CALCRL: variants seen among roughly 807,000 people sequenced by gnomAD.
CALCRL encodes calcitonin receptor like receptor, also known as calcitonin gene-related peptide type 1 receptor.
In CALCRL, 27 loss-of-function variants were observed where a neutral mutation model predicts 60.4. The ratio of observed to expected loss-of-function variants is 0.45; its 90% confidence interval spans 0.33 to 0.62. The LOEUF (loss-of-function observed/expected upper bound fraction) is 0.62, where lower values mean the gene tolerates loss of function less well. Ranked by LOEUF, CALCRL falls within the 20% of genes least tolerant of loss-of-function variation. CALCRL has a pLI of 0.03. For synonymous variants in CALCRL, 190 were observed against 182.6 expected, an observed-to-expected ratio of 1.04 and a Z score of -0.33; for missense variants, 424 against 540.7, an observed-to-expected ratio of 0.78 and a Z score of 2.14.
intron 9 of CALCRL, among the ~76,000 whole-genome samples, chr2:187,361,692 T>A (rs1194285431): frequency 6.6e-6 from 1 of 151,930 alleles, no homozygotes; most frequent in Non-Finnish European, 1.5e-5. Flanking sequence ...TTAACGGTAG[T>A]CCTATGAGGT....
In CALCRL at chr2:187,351,908, C is replaced by T; in HGVS notation, c.1170+12G>A. 1 of 1,511,764 alleles carries T rather than the reference C, an allele frequency of 6.6e-7. No individual in the cohort carries two copies. Among genetic ancestry groups the T allele is most frequent in the Non-Finnish European group, 9.1e-7 (1 of 1,095,082 alleles). 93.6% of individuals were successfully genotyped at this position (1,511,764 alleles called of 1,614,324 possible). Reference sequence around the variant, plus strand: ...TATAAAATAATAGAAGGAATAAAATCAATTATCATACCTCTCCATTAAAGA... The same window carrying T: ...TATAAAATAATAGAAGGAATAAAATTAATTATCATACCTCTCCATTAAAGA... On this transcript the variant is annotated intron_variant, in intron 14 of 14. Coordinates refer to ENST00000392370, the MANE Select transcript of CALCRL (RefSeq NM_005795.6).
At chr2:187,424,740 T>C (rs1347516222) in intron 1 of CALCRL, among the ~76,000 whole-genome samples, 1 of 151,922 alleles carries the variant, frequency 6.6e-6, no homozygotes, top group African/African-American at 2.4e-5. Flanking sequence ...TATAAATGAA[T>C]TGTGGTATGG....
intron 14 of CALCRL, among the ~76,000 whole-genome samples, chr2:187,349,512 G>T (rs698592): frequency 4.6e-5 from 7 of 151,322 alleles, no homozygotes; most frequent in Admixed American, 4.0e-4. Flanking sequence ...AAAGTAAGAG[G>T]CATTGAGACA....
intron 1 of CALCRL, among the ~76,000 whole-genome samples, chr2:187,446,600 C>T (rs1449302174): frequency 1.3e-5 from 2 of 151,674 alleles, no homozygotes; most frequent in Non-Finnish European, 1.5e-5. Context: ...ATTTTTGTTA[C>T]TAACCCACGT....
chr2:187,380,720 T>C lies in CALCRL; in HGVS notation c.252A>G (p.Ser84=), dbSNP rs763919513. The change falls in exon 6 of 15, where the codon TCA becomes TCG. Residue 84 remains serine, a synonymous_variant. Coordinates refer to ENST00000392370, the MANE Select transcript of CALCRL (RefSeq NM_005795.6). ...CWNDVAAGTE[S]MQLCPDYFQD... ...GAAAGTAATCAGGGCAGAGCTGCATTGATTCAGTTCCTGCTGCAACATCGT... is the reference window on the plus strand; with the variant it reads ...GAAAGTAATCAGGGCAGAGCTGCATCGATTCAGTTCCTGCTGCAACATCGT... 1 of 1,614,152 alleles carries C rather than the reference T, an allele frequency of 6.2e-7. No homozygotes were observed. The highest frequency in any genetic ancestry group is 1.1e-5 in the South Asian group (1 of 91,078).
chr2:187,410,702 C>G (rs1302042580), intron 1 of CALCRL, among the ~76,000 whole-genome samples: 1 of 152,116 alleles, frequency 6.6e-6, no homozygotes, highest in Non-Finnish European at 1.5e-5. Context: ...ATCAGTTCCA[C>G]AGCCCACAGG....
intron 9 of CALCRL, among the ~76,000 whole-genome samples, chr2:187,362,805 G>GT (rs547132603): frequency 1.3e-5 from 2 of 152,058 alleles, no homozygotes; most frequent in Non-Finnish European, 2.9e-5. Context: ...GAACACTGTA[G>GT]TTTTTAAAAC....
chr2:187,399,805 T>G (rs1418346586), intron 1 of CALCRL, among the ~76,000 whole-genome samples: 1 of 151,474 alleles, frequency 6.6e-6, no homozygotes, highest in African/African-American at 2.4e-5. Flanking sequence ...GCATCATGGA[T>G]GAGCTGGAAG....
chr2:187,383,957 G>A (rs991870433), intron 4 of CALCRL, among the ~76,000 whole-genome samples: 16 of 151,454 alleles, frequency 1.1e-4, no homozygotes, highest in Admixed American at 5.9e-4. Flanking sequence ...TAGTTTCCAC[G>A]TGACTTTTTT....
rs1686263362 is a variant in CALCRL, at chr2:187,346,249, A to G, written c.1321T>C (p.Leu441=). ...ATATCATGGATGCTTTTTCCATTTA[A>G]GTGTTCACTAGGACAGTCATGACTA... The part of the protein sequence containing the change: ...GYSHDCPSEH[L]NGKSIHDIEN... Residue 441 remains leucine (L), a synonymous_variant, in exon 15 of 15, where the codon TTA becomes CTA. Coordinates refer to ENST00000392370, the MANE Select transcript of CALCRL (RefSeq NM_005795.6). 6.2e-7 allele frequency: 1 copy of G among 1,612,030 alleles called. No homozygotes were observed. Among genetic ancestry groups the G allele is most frequent in the Non-Finnish European group, 8.5e-7 (1 of 1,178,842 alleles).
intron 1 of CALCRL, among the ~76,000 whole-genome samples, chr2:187,402,908 G>A (rs1251576271): frequency 2.0e-5 from 3 of 151,650 alleles, no homozygotes. Context: ...TGGAGGTGGG[G>A]CTTTTGGGAG....
At chr2:187,434,508 A>T (rs1417535091) in intron 1 of CALCRL, among the ~76,000 whole-genome samples, 1 of 152,202 alleles carries the variant, frequency 6.6e-6, no homozygotes, top group African/African-American at 2.4e-5. Flanking sequence ...TAGAAAAGAT[A>T]TGACGCAATG....
chr2:187,388,146 C>A (rs950407998), intron 1 of CALCRL, among the ~76,000 whole-genome samples: 16 of 151,326 alleles, frequency 1.1e-4, no homozygotes, highest in Admixed American at 4.0e-4. Flanking sequence ...ATAAATATTT[C>A]TTTATTTATT....
At chr2:187,440,854 T>C (rs1304166190) in intron 1 of CALCRL, among the ~76,000 whole-genome samples, 1 of 152,092 alleles carries the variant, frequency 6.6e-6, no homozygotes, top group Non-Finnish European at 1.5e-5. Context: ...AAGTGCATAA[T>C]TAAGGAAGTT....
chr2:187,375,561 G>A (rs1687722490), intron 8 of CALCRL, among the ~76,000 whole-genome samples: 1 of 151,998 alleles, frequency 6.6e-6, no homozygotes, highest in South Asian at 2.1e-4. Context: ...AAAAGCATGG[G>A]CATTTTAGCA....
At chr2:187,436,656 C>T (rs2105902190) in intron 1 of CALCRL, 1 of 152,302 alleles carries the variant, frequency 6.6e-6, no homozygotes, top group South Asian at 2.1e-4. Flanking sequence ...ACACCAAGCA[C>T]CTGGAAGATA....
chr2:187,364,559 A>G (rs1687198716), intron 8 of CALCRL, among the ~76,000 whole-genome samples: 1 of 152,130 alleles, frequency 6.6e-6, no homozygotes. Context: ...TGGAAACTTT[A>G]AGGAGATCTT....
intron 1 of CALCRL, among the ~76,000 whole-genome samples, chr2:187,419,065 G>T: frequency 7.0e-6 from 1 of 143,726 alleles, no homozygotes. Context: ...TAGTAGAGAC[G>T]GGTTTCACCA....
intron 8 of CALCRL, among the ~76,000 whole-genome samples, chr2:187,373,910 C>T (rs113640777): frequency 3.0e-4 from 45 of 152,262 alleles, no homozygotes; most frequent in South Asian, 1.7e-3. Flanking sequence ...CTTGTAATCC[C>T]GACAGTTTGG....
Sources: allele counts gnomAD v4.1 joint callset (sites outside exome capture counted in the v4.1 genomes callset), GRCh38; gene constraint gnomAD v4.1.1; transcripts MANE v1.5; gene names NCBI Gene and HGNC (gene_info 2026-07-23, HGNC 2026-07-21).